Variants in ARHGAP18 observed in about 807,000 individuals in gnomAD.
The protein encoded by ARHGAP18 is rho GTPase-activating protein 18.
Under a neutral mutation model 86.2 loss-of-function variants are expected in ARHGAP18, and 67 were observed. The observed-to-expected ratio is 0.78, with a 90% CI of 0.64 to 0.95. The LOEUF is 0.95. Ranked by LOEUF, ARHGAP18 falls within the 40% of genes least tolerant of loss-of-function variation. The pLI, the probability that ARHGAP18 is intolerant of heterozygous loss-of-function variation, is 0.00. For missense variants in ARHGAP18, 691 were observed against 780.4 expected (o/e 0.89, Z 1.37); for synonymous variants, 283 against 280.4 (o/e 1.01, Z -0.09).
Position 129,584,066 on chromosome 6 carries a change from G to A in ARHGAP18, c.1760C>T (p.Ser587Leu), listed in dbSNP as rs137871841. 401 of 1,613,680 alleles carry A rather than the reference G, an allele frequency of 2.5e-4. No homozygotes were observed. In the Admixed American group the frequency reaches 4.2e-3, roughly 17 times the overall value. ...TAGCTGTATTGCCATGGAAACTTTC[G>A]AAAGATGGGGAGCTTGCACTCGAAT... ...GVIRVQAPHL[S>L]KVSMAIQLTE... The change falls in exon 13 of 15, where the codon TCG becomes TTG. Residue 587 changes from serine to leucine, a missense_variant. Physicochemically the swap from Ser to Leu is moderately radical, Grantham distance 145. Coordinates refer to ENST00000368149, the MANE Select transcript of ARHGAP18 (RefSeq NM_033515.3).
chr6:129,638,664 A>C, intron 2 of ARHGAP18, 35 bp from the exon 3 acceptor site: 1 of 1,564,926 alleles, frequency 6.4e-7, no homozygotes, highest in Non-Finnish European at 8.7e-7. Context: ...CTTAAATCAC[A>C]AAATATAACA....
chr6:129,706,403 C>T (rs2114560702), intron 1 of ARHGAP18, among the ~76,000 whole-genome samples: 1 of 152,012 alleles, frequency 6.6e-6, no homozygotes, highest in Non-Finnish European at 1.5e-5. Context: ...AGGAAACATA[C>T]AAAAGAAAAA....
intron 6 of ARHGAP18, among the ~76,000 whole-genome samples, chr6:129,616,721 G>C (rs1293854127): frequency 2.0e-5 from 3 of 152,206 alleles, no homozygotes; most frequent in Non-Finnish European, 4.4e-5. Context: ...GCCAAGGTGG[G>C]AGGATTGCTT....
chr6:129,683,598 C>T (rs1774365832), intron 1 of ARHGAP18, among the ~76,000 whole-genome samples: 1 of 152,094 alleles, frequency 6.6e-6, no homozygotes, highest in African/African-American at 2.4e-5. Flanking sequence ...GTATGAATTA[C>T]AGAGCGGAAT....
chr6:129,625,976 ATATTTATAT>A (rs1331467215), intron 5 of ARHGAP18, among the ~76,000 whole-genome samples: 5 of 113,170 alleles, frequency 4.4e-5, no homozygotes, highest in African/African-American at 1.7e-4. Flanking sequence ...TATATTATAT[ATATTTATAT>A]TATATATCAA....
intron 13 of ARHGAP18, 107 bp from the exon 14 acceptor site, chr6:129,580,238 A>G: frequency 2.2e-6 from 2 of 919,266 alleles, no homozygotes; most frequent in Middle Eastern, 2.2e-4. Context: ...TTCATAACTT[A>G]GACACACTGT....
rs1562696201 is a variant in ARHGAP18, at chr6:129,625,098, TATATA to T, written c.786+4250_786+4254del. On this transcript the variant is annotated intron_variant, in intron 5 of 14. Coordinates refer to ENST00000368149, the MANE Select transcript of ARHGAP18 (RefSeq NM_033515.3). Reference sequence around the variant, plus strand: ...AATATATATGATATATGATATATGATATATATTATATATTATATAGATATATATTA... The same window carrying T: ...AATATATATGATATATGATATATGATTTATATATTATATAGATATATATTA... Among the ~76,000 whole-genome samples, 74 of 80,628 alleles carry T rather than the reference TATATA, an allele frequency of 9.2e-4. 11 individuals carry two copies. Among genetic ancestry groups the T allele is most frequent in the African/African-American group, 2.8e-3 (62 of 22,270 alleles). The allele number at this position is 80,628 out of a possible 152,430, so 52.9% of individuals were successfully genotyped here.
intron 6 of ARHGAP18, among the ~76,000 whole-genome samples, chr6:129,616,613 A>G (rs1162672002): frequency 3.3e-5 from 5 of 152,238 alleles, no homozygotes; most frequent in Non-Finnish European, 7.3e-5. Context: ...AAAATATCCA[A>G]ATAATTTACT....
chr6:129,695,074 T>C (rs1774590421), intron 1 of ARHGAP18, among the ~76,000 whole-genome samples: 1 of 152,178 alleles, frequency 6.6e-6, no homozygotes, highest in African/African-American at 2.4e-5. Context: ...GCGACAGCCA[T>C]GTTTGGGAAT....
chr6:129,622,044 A>G (rs1336006899), intron 5 of ARHGAP18, among the ~76,000 whole-genome samples: 3 of 152,150 alleles, frequency 2.0e-5, no homozygotes, highest in African/African-American at 2.4e-5. Flanking sequence ...CAAGGAGAGG[A>G]GCCACTTCTT....
chr6:129,625,393 A>C (rs1275949708), intron 5 of ARHGAP18, among the ~76,000 whole-genome samples: 2 of 52,572 alleles, frequency 3.8e-5, no homozygotes, highest in African/African-American at 2.2e-4. Context: ...TTATATATTT[A>C]TACATATGTA....
At chr6:129,626,123 C>T (rs1324418900) in intron 5 of ARHGAP18, among the ~76,000 whole-genome samples, 1 of 104,074 alleles carries the variant, frequency 9.6e-6, no homozygotes, top group Admixed American at 1.1e-4. Context: ...GAAGAAAAGC[C>T]TGGAAACAAT....
chr6:129,607,811 C>A, intron 9 of ARHGAP18, 82 bp downstream of exon 9: 1 of 1,414,536 alleles, frequency 7.1e-7, no homozygotes, highest in Middle Eastern at 1.9e-4. Flanking sequence ...TGGTTGCGTT[C>A]TTTGTGATGC....
chr6:129,705,640 G>C (rs1774791622), intron 1 of ARHGAP18, among the ~76,000 whole-genome samples: 1 of 152,074 alleles, frequency 6.6e-6, no homozygotes, highest in Non-Finnish European at 1.5e-5. Flanking sequence ...ATAATATTCA[G>C]AAAAACGCTT....
In ARHGAP18 at chr6:129,600,641, C is replaced by G; in HGVS notation, c.1572+1G>C. 1 of 1,611,826 alleles carries G rather than the reference C, an allele frequency of 6.2e-7. No individual in the cohort carries two copies. Among genetic ancestry groups the G allele is most frequent in the Non-Finnish European group, 8.5e-7 (1 of 1,178,360 alleles). ...GACCAAAGCATATGATATATACTTA[C>G]TGTCCACAGAAGTTTTTGGTACTTA... On this transcript the variant is annotated splice_donor_variant, in intron 11 of 14. Coordinates refer to ENST00000368149, the MANE Select transcript of ARHGAP18 (RefSeq NM_033515.3). LOFTEE classifies it high-confidence loss of function.
chr6:129,636,682 G>C (rs2114494786), intron 3 of ARHGAP18, among the ~76,000 whole-genome samples: 1 of 152,302 alleles, frequency 6.6e-6, no homozygotes, highest in African/African-American at 2.4e-5. Flanking sequence ...TTCAAGACCA[G>C]CCTGGCCAAC....
chr6:129,656,184 T>C (rs1773831547), intron 1 of ARHGAP18, among the ~76,000 whole-genome samples: 1 of 152,222 alleles, frequency 6.6e-6, no homozygotes, highest in Admixed American at 6.5e-5. Flanking sequence ...TTACCACTGA[T>C]CTCTGAATCT....
chr6:129,700,792 G>T (rs1774696500), intron 1 of ARHGAP18, among the ~76,000 whole-genome samples: 1 of 152,006 alleles, frequency 6.6e-6, no homozygotes, highest in Non-Finnish European at 1.5e-5. Context: ...AAAAATTGAG[G>T]CCCTGAAACA....
chr6:129,707,308 T>C (rs904539142), intron 1 of ARHGAP18, among the ~76,000 whole-genome samples: 13 of 152,048 alleles, frequency 8.5e-5, no homozygotes, highest in African/African-American at 2.9e-4. Flanking sequence ...TATAAAGACA[T>C]GAATTCATCT....
Sources: allele counts gnomAD v4.1 joint callset (sites outside exome capture counted in the v4.1 genomes callset), GRCh38; gene constraint gnomAD v4.1.1; transcripts MANE v1.5; gene names NCBI Gene and HGNC (gene_info 2026-07-23, HGNC 2026-07-21).